The following AGMO variants were observed in gnomAD, a reference collection of about 807,000 sequenced individuals.
The protein encoded by AGMO is glyceryl-ether monooxygenase.
AGMO carries 75 observed loss-of-function variants against 60.2 expected under a neutral mutation model. That is an observed-to-expected ratio of 1.25 (90% CI 1.03 to 1.51). The LOEUF (loss-of-function observed/expected upper bound fraction) is 1.51, where lower values mean the gene tolerates loss of function less well. Ranked by LOEUF, AGMO falls within the 40% of genes most tolerant of loss-of-function variation. AGMO has a pLI of 0.00. For missense variants in AGMO, 763 were observed against 525.5 expected (o/e 1.45, Z -4.42); for synonymous variants, 261 against 177.1 (o/e 1.47, Z -3.76).
At chr7:15,548,831 C>A (rs1562567539) in intron 2 of AGMO, among the ~76,000 whole-genome samples, 2 of 152,062 alleles carry the variant, frequency 1.3e-5, no homozygotes, top group Non-Finnish European at 2.9e-5. Flanking sequence ...CAAAGATACT[C>A]CTCGAGAAGG....
chr7:15,296,446 T>C (rs1447458424), intron 12 of AGMO, among the ~76,000 whole-genome samples: 3 of 152,296 alleles, frequency 2.0e-5, no homozygotes, highest in African/African-American at 7.2e-5. Context: ...TGCACCATCG[T>C]TGAAGTCCAG....
intron 3 of AGMO, among the ~76,000 whole-genome samples, chr7:15,443,150 C>T (rs1781606509): frequency 6.6e-6 from 1 of 152,186 alleles, no homozygotes; most frequent in African/African-American, 2.4e-5. Context: ...GGCAGGAAAC[C>T]CTGGGATACA....
intron 12 of AGMO, among the ~76,000 whole-genome samples, chr7:15,356,760 TTAAA>T (rs1246974692): frequency 2.0e-5 from 3 of 151,868 alleles, no homozygotes; most frequent in African/African-American, 4.8e-5. Flanking sequence ...ATTAAAAATA[TTAAA>T]TAAAACTAAT....
intron 12 of AGMO, among the ~76,000 whole-genome samples, chr7:15,334,938 C>G (rs1017265430): frequency 2.6e-5 from 4 of 152,178 alleles, no homozygotes; most frequent in Admixed American, 6.5e-5. Flanking sequence ...TTTACTGGCT[C>G]TATTTTAGTC....
At chr7:15,273,608 C>A (rs1181631368) in intron 12 of AGMO, among the ~76,000 whole-genome samples, 1 of 152,116 alleles carries the variant, frequency 6.6e-6, no homozygotes, top group Non-Finnish European at 1.5e-5. Flanking sequence ...AATTTGGGCT[C>A]TTTTTTAGTT....
intron 3 of AGMO, among the ~76,000 whole-genome samples, chr7:15,460,162 A>C (rs1782109326): frequency 7.0e-6 from 1 of 142,828 alleles, no homozygotes; most frequent in Non-Finnish European, 1.5e-5. Context: ...GCCGGAGTGC[A>C]GTGGCGTGAT....
intron 12 of AGMO, among the ~76,000 whole-genome samples, chr7:15,361,293 T>G (rs1238096125): frequency 6.7e-6 from 1 of 149,034 alleles, no homozygotes; most frequent in African/African-American, 2.5e-5. Context: ...AAAAAAAAGA[T>G]CTTTGGGAGG....
chr7:15,292,863 T>C (rs1784312555), intron 12 of AGMO, among the ~76,000 whole-genome samples: 1 of 149,618 alleles, frequency 6.7e-6, no homozygotes, highest in Admixed American at 6.7e-5. Context: ...GTTCAAGTGA[T>C]TCTCCTGCCT....
chr7:15,297,526 G>T (rs1583377078), intron 12 of AGMO, among the ~76,000 whole-genome samples: 1 of 152,046 alleles, frequency 6.6e-6, no homozygotes, highest in Admixed American at 6.5e-5. Context: ...ACTCTTTTTT[G>T]ATTTACTACA....
chr7:15,425,125 A>G (rs1781026734), intron 4 of AGMO, among the ~76,000 whole-genome samples: 1 of 152,192 alleles, frequency 6.6e-6, no homozygotes, highest in African/African-American at 2.4e-5. Flanking sequence ...TAACCACATG[A>G]GAAGGCAGAG....
chr7:15,189,307 G>C, the AGMO span, among the ~76,000 whole-genome samples: 1 of 152,034 alleles, frequency 6.6e-6, no homozygotes, highest in Non-Finnish European at 1.5e-5. Flanking sequence ...CTAAAAGAGA[G>C]AAGATTCTAA....
chr7:15,531,062 GTATATATTCTATATATATTCTATATATA>G lies in AGMO; in HGVS notation c.409+13682_409+13709del, dbSNP rs1562556588. On this transcript the variant is annotated intron_variant, in intron 3 of 12. Transcript: ENST00000342526. ...TCTATATATATTCTATATATATTCT[GTATATATTCTATATATATTCTATATATA>G]TATTCTATATATATTCTATATATAT... 7.1e-4 allele frequency among the ~76,000 whole-genome samples: 11 copies of G among 15,508 alleles called. 2 individuals are homozygous for G. The highest frequency in any genetic ancestry group is 1.6e-3 in the South Asian group (1 of 640). The allele number at this position is 15,508 out of a possible 152,430, so 10.2% of individuals were successfully genotyped here.
At chr7:15,485,821 G>C (rs914250711) in intron 3 of AGMO, among the ~76,000 whole-genome samples, 5 of 151,892 alleles carry the variant, frequency 3.3e-5, no homozygotes, top group African/African-American at 1.2e-4. Context: ...TGCTCTCTCG[G>C]TGAAGCATTT....
intron 12 of AGMO, among the ~76,000 whole-genome samples, chr7:15,354,454 ATACACACGTG>A (rs1782420393): frequency 9.9e-5 from 2 of 20,298 alleles, no homozygotes; most frequent in African/African-American, 6.2e-4. Flanking sequence ...ACGTGTGTGT[ATACACACGTG>A]TGTGTATACA....
intron 12 of AGMO, among the ~76,000 whole-genome samples, chr7:15,240,743 T>G (rs1782565814): frequency 6.6e-6 from 1 of 152,162 alleles, no homozygotes; most frequent in Non-Finnish European, 1.5e-5. Flanking sequence ...AAGACATTTT[T>G]AAAGAAATGA....
intron 12 of AGMO, among the ~76,000 whole-genome samples, chr7:15,261,010 A>G (rs1396710563): frequency 2.0e-5 from 3 of 152,104 alleles, no homozygotes; most frequent in Admixed American, 1.3e-4. Context: ...GGGATACAGC[A>G]AAAGCAGAGC....
chr7:15,379,211 T>G (rs959678278), intron 10 of AGMO, among the ~76,000 whole-genome samples: 15 of 151,796 alleles, frequency 9.9e-5, no homozygotes, highest in African/African-American at 3.6e-4. Flanking sequence ...ACTAAATAAC[T>G]AGAGAAATCA....
At chr7:15,193,316 C>T in the AGMO span, among the ~76,000 whole-genome samples, 5 of 152,102 alleles carry the variant, frequency 3.3e-5, no homozygotes, top group African/African-American at 1.2e-4. Flanking sequence ...TTTTTGCCTA[C>T]ATTCAGAATA....
intron 12 of AGMO, among the ~76,000 whole-genome samples, chr7:15,210,381 T>A (rs1244484751): frequency 1.3e-5 from 2 of 152,196 alleles, no homozygotes; most frequent in Non-Finnish European, 2.9e-5. Flanking sequence ...CTAATATTAA[T>A]CTGGAAGATG....
Sources: gnomAD v4.1 joint callset for allele counts (sites outside exome capture counted in the v4.1 genomes callset) on GRCh38, gnomAD v4.1.1 for gene constraint, MANE v1.5 for transcripts, NCBI Gene and HGNC (gene_info 2026-07-23, HGNC 2026-07-21) for gene names.